SDK1: variants seen among roughly 807,000 people sequenced by gnomAD.
SDK1 encodes sidekick cell adhesion molecule 1.
SDK1 carries 157 observed loss-of-function variants against 245.5 expected under a neutral mutation model. That is an observed-to-expected ratio of 0.64 (90% CI 0.56 to 0.73). The LOEUF is 0.73. Ranked by LOEUF, SDK1 falls within the 30% of genes least tolerant of loss-of-function variation. The pLI is 0.00. For missense variants in SDK1, 3,583 were observed against 3,002.3 expected (o/e 1.19, Z -4.52); for synonymous variants, 1,647 against 1,278.5 (o/e 1.29, Z -6.15).
chr7:4,051,129 TATATATA>T (rs899975635), intron 18 of SDK1, among the ~76,000 whole-genome samples: 163 of 137,844 alleles, frequency 1.2e-3, no homozygotes, highest in African/African-American at 4.3e-3. Context: ...ATATACATAT[TATATATA>T]ATATATGTAT....
chr7:3,745,350 A>T (rs563565632), intron 4 of SDK1, among the ~76,000 whole-genome samples: 1 of 152,334 alleles, frequency 6.6e-6, no homozygotes, highest in East Asian at 1.9e-4. Context: ...TGAAATGTAG[A>T]CTCACAAGAA....
intron 1 of SDK1, among the ~76,000 whole-genome samples, chr7:3,331,829 T>A (rs1780076800): frequency 6.6e-6 from 1 of 152,214 alleles, no homozygotes; most frequent in Non-Finnish European, 1.5e-5. Flanking sequence ...ATTAGTTGAC[T>A]TTCAGATGTG....
At chr7:3,393,103 T>G (rs1781803503) in intron 1 of SDK1, among the ~76,000 whole-genome samples, 1 of 151,360 alleles carries the variant, frequency 6.6e-6, no homozygotes, top group Non-Finnish European at 1.5e-5. Flanking sequence ...CCTGAGTAGC[T>G]GAGATTACAG....
chr7:4,248,594 T>G (rs1367991005), intron 44 of SDK1, among the ~76,000 whole-genome samples: 2 of 150,628 alleles, frequency 1.3e-5, no homozygotes, highest in African/African-American at 4.9e-5. Flanking sequence ...ACATGCATAC[T>G]TAAATACACA....
intron 4 of SDK1, among the ~76,000 whole-genome samples, chr7:3,674,949 G>T (rs956692113): frequency 6.6e-6 from 1 of 152,148 alleles, no homozygotes; most frequent in Non-Finnish European, 1.5e-5. Flanking sequence ...GACCCCTGTG[G>T]ATAGAAGCAT....
At chr7:4,241,500 A>G (rs1470674314) in intron 42 of SDK1, among the ~76,000 whole-genome samples, 2 of 152,186 alleles carry the variant, frequency 1.3e-5, no homozygotes, top group Non-Finnish European at 2.9e-5. Flanking sequence ...AATCAAAAAA[A>G]GTTTATGCAT....
intron 5 of SDK1, among the ~76,000 whole-genome samples, chr7:3,913,761 A>T (rs1779271734): frequency 6.6e-6 from 1 of 152,134 alleles, no homozygotes; most frequent in African/African-American, 2.4e-5. Flanking sequence ...AGCCCAGCAA[A>T]AATAAGAAAA....
chr7:3,856,770 A>G (rs991711499), intron 5 of SDK1, among the ~76,000 whole-genome samples: 2 of 152,202 alleles, frequency 1.3e-5, no homozygotes, highest in African/African-American at 4.8e-5. Context: ...TAGCCTGGGC[A>G]ACAAGAGCGA....
At chr7:3,755,986 T>A (rs1230532440) in intron 4 of SDK1, among the ~76,000 whole-genome samples, 1 of 152,046 alleles carries the variant, frequency 6.6e-6, no homozygotes, top group Non-Finnish European at 1.5e-5. Flanking sequence ...GTGTGACACA[T>A]GCATATCTTT....
At chr7:4,212,605 G>T (rs1438823214) in intron 38 of SDK1, among the ~76,000 whole-genome samples, 1 of 152,162 alleles carries the variant, frequency 6.6e-6, no homozygotes, top group Non-Finnish European at 1.5e-5. Context: ...GGAGCCAGGG[G>T]GCCTGGACGA....
intron 5 of SDK1, among the ~76,000 whole-genome samples, chr7:3,884,560 T>A (rs558382253): frequency 3.2e-4 from 49 of 152,322 alleles, no homozygotes; most frequent in African/African-American, 1.1e-3. Flanking sequence ...CTGGGTTAAC[T>A]TTATTATTAT....
chr7:3,950,778 T>C, intron 5 of SDK1, 145 bp from the exon 6 acceptor site: 1 of 622,676 alleles, frequency 1.6e-6, no homozygotes, highest in Non-Finnish European at 2.9e-6. Flanking sequence ...CCATCATACA[T>C]CAGGGACAAT....
chr7:4,025,116 A>G (rs373533426), intron 17 of SDK1, among the ~76,000 whole-genome samples: 12 of 152,104 alleles, frequency 7.9e-5, no homozygotes, highest in African/African-American at 2.9e-4. Flanking sequence ...TTTCTGTTCT[A>G]TTCCATTCTG....
intron 5 of SDK1, among the ~76,000 whole-genome samples, chr7:3,854,755 A>G (rs1007601833): frequency 1.3e-5 from 2 of 152,218 alleles, no homozygotes; most frequent in Admixed American, 6.5e-5. Context: ...TACCTTCTGC[A>G]GCCACTCCTT....
chr7:4,014,459 A>C (rs1421425192), intron 16 of SDK1, among the ~76,000 whole-genome samples: 1 of 152,202 alleles, frequency 6.6e-6, no homozygotes, highest in Non-Finnish European at 1.5e-5. Context: ...GAGCCATGCC[A>C]AAGTGAATTT....
At chr7:3,595,545 T>A (rs2128636875) in intron 1 of SDK1, among the ~76,000 whole-genome samples, 2 of 152,274 alleles carry the variant, frequency 1.3e-5, no homozygotes, top group South Asian at 4.1e-4. Flanking sequence ...TGATAATATT[T>A]AATTATGCAG....
intron 1 of SDK1, among the ~76,000 whole-genome samples, chr7:3,463,638 G>A (rs1780900997): frequency 6.6e-6 from 1 of 152,186 alleles, no homozygotes; most frequent in Non-Finnish European, 1.5e-5. Context: ...TGAGTTTTCT[G>A]TGCCTATTTA....
intron 1 of SDK1, among the ~76,000 whole-genome samples, chr7:3,413,856 CAT>C (rs1416567505): frequency 6.6e-6 from 1 of 152,112 alleles, no homozygotes; most frequent in Non-Finnish European, 1.5e-5. Flanking sequence ...AGATGTGGCA[CAT>C]GTTTGTGGTC....
chr7:4,028,070 A>G (rs970042332), intron 17 of SDK1, among the ~76,000 whole-genome samples: 3 of 152,040 alleles, frequency 2.0e-5, no homozygotes, highest in African/African-American at 7.2e-5. Context: ...TAGAAAAGCA[A>G]ATTGACAGTG....
Sources: gnomAD v4.1 joint callset for allele counts (sites outside exome capture counted in the v4.1 genomes callset) on GRCh38, gnomAD v4.1.1 for gene constraint, MANE v1.5 for transcripts, NCBI Gene and HGNC (gene_info 2026-07-23, HGNC 2026-07-21) for gene names.